DAB2: variants seen among roughly 807,000 people sequenced by gnomAD.
DAB2 encodes the protein DAB adaptor protein 2.
A neutral mutation model predicts 71.6 loss-of-function variants in DAB2; 28 were observed. The observed-to-expected ratio is 0.39, with a 90% CI of 0.29 to 0.54. DAB2 has a LOEUF of 0.54. Among genes scored for constraint, DAB2 ranks in the 20% least tolerant of loss-of-function variants. The pLI, the probability that DAB2 is intolerant of heterozygous loss-of-function variation, is 0.68. For missense variants in DAB2, 867 were observed against 928.8 expected, an observed-to-expected ratio of 0.93 and a Z score of 0.86; for synonymous variants, 345 against 339.7, an observed-to-expected ratio of 1.02 and a Z score of -0.17.
chr5:39,395,310 T>C (rs1755334441), intron 1 of DAB2, among the ~76,000 whole-genome samples: 2 of 152,166 alleles, frequency 1.3e-5, no homozygotes, highest in Admixed American at 1.3e-4. Context: ...AGAAAAGCTA[T>C]TCATTGTTTT....
intron 9 of DAB2, among the ~76,000 whole-genome samples, chr5:39,386,476 G>A (rs1056883745): frequency 6.6e-6 from 1 of 152,138 alleles, no homozygotes; most frequent in Non-Finnish European, 1.5e-5. Context: ...ATAAGAACAT[G>A]TCAAAGCCTA....
chr5:39,392,473 G>T lies in DAB2; in HGVS notation c.232-10C>A, dbSNP rs755677001. ...CAGCTGCCGCCATTCCCTGATGAGG[G>T]TGGAAAAACAAGAGAAGTTGAATTT... is the stretch of plus-strand genomic sequence containing the variant. On this transcript the variant is annotated splice_polypyrimidine_tract_variant and intron_variant, in intron 3 of 14. Coordinates refer to ENST00000320816, the MANE Select transcript of DAB2 (RefSeq NM_001343.4). The T allele has an allele frequency of 6.3e-7, 1 of 1,598,856 alleles. No individual in the cohort carries two copies. Among genetic ancestry groups the T allele is most frequent in the South Asian group, 1.1e-5 (1 of 90,558 alleles).
Position 39,376,520 on chromosome 5 carries a change from CT to C in DAB2, c.2137+129del, listed in dbSNP as rs1350560784. 8.0e-6 allele frequency: 9 copies of C among 1,119,900 alleles called. No homozygotes were observed. In the African/African-American group the frequency reaches 1.1e-4, roughly 13 times the overall value. 69.4% of individuals were successfully genotyped at this position (1,119,900 alleles called of 1,614,324 possible). A position where few individuals can be genotyped will look rare whatever the true frequency, so the allele number is the denominator to read the frequency against. On this transcript the variant is annotated intron_variant, in intron 12 of 14. Transcript: ENST00000320816. ...AAATGGTTAAGTTGTCTCCGTAACC[CT>C]TGATTACCAACAGAAGCAAGAGCAA...
At chr5:39,397,166 A>G (rs1376025621) in intron 1 of DAB2, among the ~76,000 whole-genome samples, 1 of 152,170 alleles carries the variant, frequency 6.6e-6, no homozygotes, top group East Asian at 1.9e-4. Context: ...TTTCTTCCTA[A>G]AACAGCCCCT....
intron 8 of DAB2, 39 bp from the exon 9 acceptor site, chr5:39,388,406 T>A: frequency 1.5e-6 from 2 of 1,341,480 alleles, no homozygotes; most frequent in Non-Finnish European, 2.1e-6. Flanking sequence ...ATGTGTCTAC[T>A]AAAAAAGATT....
intron 1 of DAB2, among the ~76,000 whole-genome samples, chr5:39,409,631 G>A (rs939563699): frequency 2.0e-5 from 3 of 152,118 alleles, no homozygotes; most frequent in African/African-American, 4.8e-5. Flanking sequence ...CCATTGACTG[G>A]TCTACCCTTT....
chr5:39,383,395 T>C (rs764874999), intron 9 of DAB2, 124 bp from the exon 10 acceptor site: 34 of 780,354 alleles, frequency 4.4e-5, no homozygotes, highest in Non-Finnish European at 6.9e-5. Context: ...GATAAATCGG[T>C]TGATCATTAC....
chr5:39,390,002 T>C lies in DAB2; in HGVS notation c.463-70A>G, dbSNP rs532749100. ...TTTTATTTCCTTTGTCTGCTATCAA[T>C]TATAATTCATACTGGGATTTTTTTT... On this transcript the variant is annotated intron_variant, in intron 5 of 14. Transcript: ENST00000320816. 3 of 1,120,270 alleles carry C rather than the reference T, an allele frequency of 2.7e-6. No homozygotes were observed. In the South Asian group the frequency reaches 4.8e-5, roughly 18 times the overall value. 69.4% of individuals were successfully genotyped at this position (1,120,270 alleles called of 1,614,324 possible).
Position 39,393,265 on chromosome 5 carries a change from T to C in DAB2, c.220A>G (p.Met74Val). 1 of 1,613,998 alleles carries C rather than the reference T, an allele frequency of 6.2e-7. No individual in the cohort carries two copies. The highest frequency in any genetic ancestry group is 8.5e-7 in the Non-Finnish European group (1 of 1,179,932). ...CATTTCCCTTTTACCTTTAGTTTCATCATAGAGTCTTGGCTCATTTTATCC... is the reference window on the plus strand; with the variant it reads ...CATTTCCCTTTTACCTTTAGTTTCACCATAGAGTCTTGGCTCATTTTATCC... ...RGDKMSQDSM[M>V]KLKGMAAAGR... Residue 74 changes from methionine (M) to valine (V), a missense_variant, in exon 3 of 15, where the codon ATG becomes GTG. By Grantham distance (21) the Met-to-Val change is conservative. Around this residue, in one of 2 missense-constraint regions of DAB2, gnomAD observed 127 missense variants for 194.4 expected, o/e 0.65. Transcript: ENST00000320816.
At chr5:39,393,209 G>C (rs973691490) in intron 3 of DAB2, 45 bp downstream of exon 3, 1 of 1,586,746 alleles carries the variant, frequency 6.3e-7, no homozygotes. Context: ...TCCCTCTCTT[G>C]GACTTTTGCT....
At chr5:39,401,906 T>C (rs1755510687) in intron 1 of DAB2, among the ~76,000 whole-genome samples, 1 of 151,372 alleles carries the variant, frequency 6.6e-6, no homozygotes, top group African/African-American at 2.4e-5. Flanking sequence ...GCGCCTGCCA[T>C]CATGCCTGGC....
At position 39,390,498 on chromosome 5, in the gene DAB2, G is replaced by A. The variant is rs367940543; in HGVS notation, c.408C>T (p.Tyr136=). Residue 136 remains tyrosine, a synonymous_variant, in exon 5 of 15, where the codon TAC becomes TAT. Transcript: ENST00000320816. Reference sequence around the variant, plus strand: ...GATGCTGGCCTTCTCCTCCACACACGTAACCAAATGCCCGGTTGTCTGTCA... The same window carrying A: ...GATGCTGGCCTTCTCCTCCACACACATAACCAAATGCCCGGTTGTCTGTCA... The part of the protein sequence containing the change: ...RDVTDNRAFG[Y]VCGGEGQHQF... The A allele has an allele frequency of 1.3e-5, 21 of 1,613,782 alleles. No homozygotes were observed. Among genetic ancestry groups the A allele is most frequent in the African/African-American group, 8.0e-5 (6 of 74,826 alleles).
At chr5:39,381,160 G>A (rs1382423616) in intron 11 of DAB2, among the ~76,000 whole-genome samples, 2 of 152,208 alleles carry the variant, frequency 1.3e-5, no homozygotes, top group African/African-American at 4.8e-5. Flanking sequence ...GCTGGTCTGA[G>A]TTTAGAATCC....
At position 39,381,467 on chromosome 5, in the gene DAB2, G is replaced by A. The variant is rs1754978778; in HGVS notation, c.1491C>T (p.Pro497=). The A allele has an allele frequency of 6.2e-7, 1 of 1,613,842 alleles. No individual in the cohort carries two copies. Among genetic ancestry groups the A allele is most frequent in the South Asian group, 1.1e-5 (1 of 91,046 alleles). Residue 497 remains proline (P), a synonymous_variant, in exon 11 of 15, where the codon CCC becomes CCT. Transcript: ENST00000320816. ...CTAGGCACCTACCTAGACCCACCAG[G>A]GGCCCCACTGGGGCAGGAGCACTTG... ...FKTSAPAPVG[P]LVGLGGVTVT...
intron 1 of DAB2, among the ~76,000 whole-genome samples, 173 bp downstream of exon 1, chr5:39,424,631 T>C: frequency 6.8e-6 from 1 of 148,098 alleles, no homozygotes; most frequent in Non-Finnish European, 1.5e-5. Context: ...GCCACAAAAC[T>C]GCTGGTTTCC....
intron 1 of DAB2, among the ~76,000 whole-genome samples, chr5:39,404,715 A>T (rs1056112071): frequency 3.3e-5 from 5 of 152,054 alleles, no homozygotes; most frequent in Non-Finnish European, 5.9e-5. Flanking sequence ...AGTAGCTGGG[A>T]CTACAGGTGC....
Position 39,382,723 on chromosome 5 carries a change from T to C in DAB2, c.1236A>G (p.Val412=). Residue 412 remains valine (V), a synonymous_variant, in exon 10 of 15, where the codon GTA becomes GTG. Transcript: ENST00000320816. ...GGACAGAGCTTTCCAAGTCCTGCTT[T>C]ACGCCATTCTGTATGGACAGTCCTT... ...PPKGLSIQNG[V]KQDLESSVQS... is the part of the protein sequence containing the mutation. The C allele has an allele frequency of 6.2e-7, 1 of 1,614,220 alleles. No homozygotes were observed. Among genetic ancestry groups the C allele is most frequent in the Non-Finnish European group, 8.5e-7 (1 of 1,180,032 alleles).
intron 10 of DAB2, among the ~76,000 whole-genome samples, chr5:39,382,159 A>G (rs2542710): frequency 0.39 from 58,748 of 151,930 alleles, 12,431 homozygotes; most frequent in Non-Finnish European, 0.47. Flanking sequence ...AAGCTTATGT[A>G]TTTACTCAGT....
chr5:39,400,345 TC>T (rs1305328736), intron 1 of DAB2, among the ~76,000 whole-genome samples: 1 of 151,846 alleles, frequency 6.6e-6, no homozygotes, highest in Non-Finnish European at 1.5e-5. Context: ...CCATTCTCCT[TC>T]CTCAGCCTCC....
Sources: allele counts gnomAD v4.1 joint callset (sites outside exome capture counted in the v4.1 genomes callset), GRCh38; gene constraint gnomAD v4.1.1; regional missense constraint gnomAD v4.1.1; transcripts MANE v1.5; gene names NCBI Gene and HGNC (gene_info 2026-07-23, HGNC 2026-07-21).